Variants in NUDT18 observed in about 807,000 individuals in gnomAD.
The protein encoded by NUDT18 is 8-oxo-dGDP phosphatase NUDT18.
Under a neutral mutation model 27.6 loss-of-function variants are expected in NUDT18, and 26 were observed. The ratio of observed to expected loss-of-function variants is 0.94; its 90% CI spans 0.69 to 1.31. The LOEUF (loss-of-function observed/expected upper bound fraction) is 1.31, where lower values mean the gene tolerates loss of function less well. NUDT18 is among the 50% of genes most tolerant of loss of function. NUDT18 has a pLI of 0.00. For missense variants in NUDT18, 450 were observed against 433.4 expected (o/e 1.04, Z -0.34); for synonymous variants, 220 against 196.9 (o/e 1.12, Z -0.98).
rs776397436 is a variant in NUDT18, at chr8:22,107,338, G to A, written c.934C>T (p.Arg312Trp). 2.5e-6 allele frequency: 4 copies of A among 1,612,112 alleles called. No homozygotes were observed. Among genetic ancestry groups the A allele is most frequent in the Non-Finnish European group, 3.4e-6 (4 of 1,179,132 alleles). The change falls in exon 3 of 3, where the codon CGG becomes TGG. Residue 312 changes from arginine to tryptophan, a missense_variant. Coordinates refer to ENST00000611621, the MANE Select transcript of NUDT18 (RefSeq NM_024815.4). ...GGGACAACAGAGGATCCCTGAAGCC[G>A]CTGGAGGAGCTGGCTTTGCAGGTCT... ...EEDLQSQLLQ[R>W]LQGSSVVPVN...
In NUDT18 at chr8:22,109,378, C is replaced by CCCGCTCCCAGTCCCAGCGGAGA; in HGVS notation, c.-79_-78insTCTCCGCTGGGACTGGGAGCGG. 2 of 1,195,272 alleles carry CCCGCTCCCAGTCCCAGCGGAGA rather than the reference C, an allele frequency of 1.7e-6. No homozygotes were observed. The highest frequency in any genetic ancestry group is 2.1e-6 in the Non-Finnish European group (2 of 931,082). 74.0% of individuals were successfully genotyped at this position (1,195,272 alleles called of 1,614,324 possible). ...CCGCGGGCTAGAGTGCGCTGCGGAG[C>CCCGCTCCCAGTCCCAGCGGAGA]CCGCTCCCAGTCCCTGCGGCAGCGG... On this transcript the variant is annotated 5_prime_UTR_variant, in exon 1 of 3. Transcript: ENST00000611621.
upstream of NUDT18, chr8:22,109,699 ACGT>A (rs1217415489): frequency 2.2e-6 from 1 of 461,710 alleles, no homozygotes; most frequent in Admixed American, 2.3e-5. Flanking sequence ...TCCGACGGTG[ACGT>A]CATCTTTCCT....
In NUDT18 at chr8:22,107,622, G is replaced by T; in HGVS notation, c.650C>A (p.Thr217Asn). Reference protein sequence around the residue: ...GTVGMPHLPVTACGLDPMEQR... With the variant: ...GTVGMPHLPVNACGLDPMEQR... ...CTCCATAGGGTCGAGGCCACAGGCA[G>T]TGACAGGCAAGTGAGGCATCCCCAC... The change falls in exon 3 of 3, where the codon ACT (threonine) becomes AAT (asparagine). Residue 217 changes from threonine (T) to asparagine (N), a missense_variant. Thr to Asn is a moderately conservative substitution (Grantham distance 65). Transcript: ENST00000611621. 6.2e-7 allele frequency: 1 copy of T among 1,613,270 alleles called. No homozygotes were observed. Among genetic ancestry groups the T allele is most frequent in the Non-Finnish European group, 8.5e-7 (1 of 1,179,830 alleles).
Position 22,108,121 on chromosome 8 carries a change from G to A in NUDT18, c.376+12C>T. Reference sequence around the variant, plus strand: ...ACTGGCCCTGTTCACACTGCCTCCAGGTGGGCCATACCTGTGGGGCGAGCG... The same window carrying A: ...ACTGGCCCTGTTCACACTGCCTCCAAGTGGGCCATACCTGTGGGGCGAGCG... On this transcript the variant is annotated intron_variant, in intron 2 of 2. Transcript: ENST00000611621. 1 of 1,494,302 alleles carries A rather than the reference G, an allele frequency of 6.7e-7. No homozygotes were observed. The highest frequency in any genetic ancestry group is 8.9e-7 in the Non-Finnish European group (1 of 1,121,786). The allele number at this position is 1,494,302 out of a possible 1,614,324, so 92.6% of individuals were successfully genotyped here. A position where few individuals can be genotyped will look rare whatever the true frequency, so the allele number is the denominator to read the frequency against.
upstream of NUDT18, chr8:22,109,466 G>T (rs1826432639): frequency 1.8e-6 from 1 of 568,722 alleles, no homozygotes; most frequent in Admixed American, 4.4e-5. Context: ...AGCTCTGGCC[G>T]CTGATAGGCT....
intron 2 of NUDT18, 72 bp downstream of exon 2, chr8:22,108,061 G>C: frequency 1.4e-6 from 2 of 1,410,178 alleles, no homozygotes; most frequent in Non-Finnish European, 1.9e-6. Context: ...CTGTAGAGGG[G>C]CTCACCTCAC....
In NUDT18 at chr8:22,108,260, G is replaced by C. The variant is rs533078716; in HGVS notation, c.249C>G (p.Thr83=). ...LPAGRMEPGE[T]IVEALQREVK... Reference sequence around the variant, plus strand: ...CCTCCCGCTGCAGCGCCTCCACGATGGTCTCCCCTGGCTCCATTCTCCCCG... The same window carrying C: ...CCTCCCGCTGCAGCGCCTCCACGATCGTCTCCCCTGGCTCCATTCTCCCCG... Residue 83 remains threonine, a synonymous_variant, in exon 2 of 3, where the codon ACC becomes ACG. Transcript: ENST00000611621. 19 of 1,596,760 alleles carry C rather than the reference G, an allele frequency of 1.2e-5. No individual in the cohort carries two copies. Among genetic ancestry groups the C allele is most frequent in the Non-Finnish European group, 1.6e-5 (19 of 1,172,394 alleles).
chr8:22,107,216 C>T lies in NUDT18; in HGVS notation c.*84G>A, dbSNP rs1385332503. 2 of 1,065,360 alleles carry T rather than the reference C, an allele frequency of 1.9e-6. No homozygotes were observed. Among genetic ancestry groups the T allele is most frequent in the African/African-American group, 1.6e-5 (1 of 62,300 alleles). The allele number at this position is 1,065,360 out of a possible 1,614,324, so 66.0% of individuals were successfully genotyped here. ...CCAATGCAACAAGATCCCTGATCGCCAGCCTCTTGCCTCCCTCAGAGGGAG... is the reference window on the plus strand; with the variant it reads ...CCAATGCAACAAGATCCCTGATCGCTAGCCTCTTGCCTCCCTCAGAGGGAG... On this transcript the variant is annotated 3_prime_UTR_variant, in exon 3 of 3. Transcript: ENST00000611621.
Position 22,109,246 on chromosome 8 carries a change from AC to A in NUDT18, c.54del (p.Ser19ProfsTer41). On this transcript the variant is annotated frameshift_variant, in exon 1 of 3. Coordinates refer to ENST00000611621, the MANE Select transcript of NUDT18 (RefSeq NM_024815.4). LOFTEE classifies it high-confidence loss of function. ...GALASVLAGQGSSVHSCDSAP... is the reference protein window; with the variant it reads ...GALASVLAGQXSSVHSCDSAP... Reference sequence around the variant, plus strand: ...GCCGAGTCGCAGCTGTGCACGCTGGACCCCTGGCCAGCCAGCACGGAAGCCA... The same window carrying A: ...GCCGAGTCGCAGCTGTGCACGCTGGACCCTGGCCAGCCAGCACGGAAGCCA... The A allele has an allele frequency of 4.2e-6, 6 of 1,415,674 alleles. No homozygotes were observed. Among genetic ancestry groups the A allele is most frequent in the Admixed American group, 3.2e-5 (1 of 31,470 alleles). The allele number at this position is 1,415,674 out of a possible 1,614,324, so 87.7% of individuals were successfully genotyped here. A position where few individuals can be genotyped will look rare whatever the true frequency, so the allele number is the denominator to read the frequency against.
rs371214178 is a variant in NUDT18, at chr8:22,107,572, C to T, written c.700G>A (p.Val234Ile). ...AGACACTCCTGCAGCAGCCGCAGGA[C>T]GGCCATCTTCATGCCACCCCTCTGC... is the stretch of plus-strand genomic sequence containing the variant. ...MEQRGGMKMA[V>I]LRLLQECLTL... The change falls in exon 3 of 3, where the codon GTC becomes ATC. Residue 234 changes from valine (V) to isoleucine (I), a missense_variant. By Grantham distance (29) the Val-to-Ile change is conservative (BLOSUM62 3). Transcript: ENST00000611621. 3.1e-5 allele frequency: 50 copies of T among 1,613,052 alleles called. No homozygotes were observed. Among genetic ancestry groups the T allele is most frequent in the African/African-American group, 4.0e-5 (3 of 74,928 alleles).
intron 1 of NUDT18, among the ~76,000 whole-genome samples, chr8:22,108,601 A>C (rs1194795802): frequency 1.3e-5 from 2 of 152,198 alleles, no homozygotes; most frequent in African/African-American, 2.4e-5. Flanking sequence ...GGGGCTGGAG[A>C]TGAGGCCCCA....
rs368870753 is a variant in NUDT18 at position 22,107,764 on chromosome 8, G to A, written c.508C>T (p.Arg170Cys). 78 of 1,613,482 alleles carry A rather than the reference G, an allele frequency of 4.8e-5. 1 individual carries two copies. In the South Asian group the frequency reaches 4.9e-4, roughly 10 times the overall value. The change falls in exon 3 of 3, where the codon CGC becomes TGC. Residue 170 changes from arginine to cysteine, a missense_variant. Transcript: ENST00000611621. ...LHLVELAAQYRQQARHPLILP... is the reference protein window; with the variant it reads ...LHLVELAAQYCQQARHPLILP... ...ATGAGAGGGTGCCTGGCTTGCTGGC[G>A]ATACTGGGCGGCTAGTTCAACCAGG... is the stretch of plus-strand genomic sequence containing the variant.
chr8:22,107,998 C>G, intron 2 of NUDT18, 103 bp from the exon 3 acceptor site: 1 of 1,359,936 alleles, frequency 7.4e-7, no homozygotes, highest in African/African-American at 1.5e-5. Flanking sequence ...AGGCCCCCAG[C>G]CCAAAGGCTG....
At position 22,109,380 on chromosome 8, in the gene NUDT18, C is replaced by G. The variant is rs1826428796; in HGVS notation, c.-80G>C. 1 of 1,298,850 alleles carries G rather than the reference C, an allele frequency of 7.7e-7. No homozygotes were observed. Among genetic ancestry groups the G allele is most frequent in the Non-Finnish European group, 9.8e-7 (1 of 1,017,624 alleles). The allele number at this position is 1,298,850 out of a possible 1,614,324, so 80.5% of individuals were successfully genotyped here. On this transcript the variant is annotated 5_prime_UTR_variant, in exon 1 of 3. Transcript: ENST00000611621. ...GCGGGCTAGAGTGCGCTGCGGAGCC[C>G]GCTCCCAGTCCCTGCGGCAGCGGGC...
At position 22,109,356 on chromosome 8, in the gene NUDT18, C is replaced by T; in HGVS notation, c.-56G>A. The T allele has an allele frequency of 1.5e-6, 2 of 1,323,574 alleles. No individual in the cohort carries two copies. The highest frequency in any genetic ancestry group is 1.9e-6 in the Non-Finnish European group (2 of 1,038,416). 82.0% of individuals were successfully genotyped at this position (1,323,574 alleles called of 1,614,324 possible). A position where few individuals can be genotyped will look rare whatever the true frequency, so the allele number is the denominator to read the frequency against. ...CTCGCAGACCGACTGAGCCGAGCCG[C>T]GGGCTAGAGTGCGCTGCGGAGCCCG... On this transcript the variant is annotated 5_prime_UTR_variant, in exon 1 of 3. Transcript: ENST00000611621.
chr8:22,109,195 C>T lies in NUDT18; in HGVS notation c.106G>A (p.Val36Met), dbSNP rs1181900666. The T allele has an allele frequency of 2.8e-6, 4 of 1,447,574 alleles. No homozygotes were observed. The African/African-American group carries it at 4.5e-5, about 16-fold the overall frequency. 89.7% of individuals were successfully genotyped at this position (1,447,574 alleles called of 1,614,324 possible). The change falls in exon 1 of 3, where the codon GTG (valine) becomes ATG (methionine). Residue 36 changes from valine to methionine, a missense_variant. By Grantham distance (21) the Val-to-Met change is conservative. Transcript: ENST00000611621. ...TAGCACACGTTCTTCCGCAGCCGCA[C>T]GGGCGCCGGCGGCTCCCCGGCCGGC... ...SAPAGEPPAPVRLRKNVCYVV... is the reference protein window; with the variant it reads ...SAPAGEPPAPMRLRKNVCYVV...
In NUDT18 at chr8:22,109,264, C is replaced by T. The variant is rs1305409938; in HGVS notation, c.37G>A (p.Val13Met). The T allele has an allele frequency of 7.1e-7, 1 of 1,402,314 alleles. No homozygotes were observed. Among genetic ancestry groups the T allele is most frequent in the Non-Finnish European group, 9.2e-7 (1 of 1,083,970 alleles). 86.9% of individuals were successfully genotyped at this position (1,402,314 alleles called of 1,614,324 possible). Residue 13 changes from valine to methionine, a missense_variant, in exon 1 of 3, where the codon GTG (valine) becomes ATG (methionine). Physicochemically the swap from Val to Met is conservative, Grantham distance 21 (BLOSUM62 1). Transcript: ENST00000611621. ...ACGCTGGACCCCTGGCCAGCCAGCA[C>T]GGAAGCCAGCGCCCCCGCCAGGCCC... ...SEGLAGALAS[V>M]LAGQGSSVHS...
rs1297545596 is a variant in NUDT18 at position 22,107,646 on chromosome 8, A to C, written c.626T>G (p.Val209Gly). 18 of 1,612,888 alleles carry C rather than the reference A, an allele frequency of 1.1e-5. No individual in the cohort carries two copies. Among genetic ancestry groups the C allele is most frequent in the Admixed American group, 1.7e-5 (1 of 59,992 alleles). Residue 209 changes from valine to glycine, a missense_variant, in exon 3 of 3, where the codon GTG (valine) becomes GGG (glycine). Transcript: ENST00000611621. ...AGTGACAGGCAAGTGAGGCATCCCCACTGTGCCCACTAACACCCACACTGT... is the reference window on the plus strand; with the variant it reads ...AGTGACAGGCAAGTGAGGCATCCCCCCTGTGCCCACTAACACCCACACTGT... Reference protein sequence around the residue: ...AQTVWVLVGTVGMPHLPVTAC... With the variant: ...AQTVWVLVGTGGMPHLPVTAC...
rs1190569982 is a variant in NUDT18, at chr8:22,109,317, CGGCGG to C, written c.-22_-18del. On this transcript the variant is annotated 5_prime_UTR_variant, in exon 1 of 3. Transcript: ENST00000611621. Reference sequence around the variant, plus strand: ...CGAGGCCATCGGGTCCCCCGGGGGGCGGCGGGCCGGATCCTCGCAGACCGACTGAG... The same window carrying C: ...CGAGGCCATCGGGTCCCCCGGGGGGCGCCGGATCCTCGCAGACCGACTGAG... The C allele has an allele frequency of 7.5e-7, 1 of 1,334,536 alleles. No individual in the cohort carries two copies. The highest frequency in any genetic ancestry group is 9.5e-7 in the Non-Finnish European group (1 of 1,052,710). 82.7% of individuals were successfully genotyped at this position (1,334,536 alleles called of 1,614,324 possible).
Sources: gnomAD v4.1 joint callset for allele counts (sites outside exome capture counted in the v4.1 genomes callset) on GRCh38, gnomAD v4.1.1 for gene constraint, MANE v1.5 for transcripts, NCBI Gene and HGNC (gene_info 2026-07-23, HGNC 2026-07-21) for gene names.